ARHGAP31: variants seen among roughly 807,000 people sequenced by gnomAD.
ARHGAP31 encodes rho GTPase-activating protein 31.
ARHGAP31 carries 34 observed loss-of-function variants against 113.9 expected under a neutral mutation model. That is an observed-to-expected ratio of 0.30 (90% CI 0.23 to 0.40). The LOEUF is 0.40. ARHGAP31 is among the 10% of genes least tolerant of loss of function. The pLI is 1.00. For missense variants in ARHGAP31, 1,548 were observed against 1,767.1 expected (o/e 0.88, Z 2.22); for synonymous variants, 650 against 684.8 (o/e 0.95, Z 0.79).
chr3:119,393,751 C>A (rs953859275), intron 8 of ARHGAP31, among the ~76,000 whole-genome samples, 160 bp downstream of exon 8: 4 of 152,018 alleles, frequency 2.6e-5, no homozygotes, highest in Admixed American at 2.0e-4. Flanking sequence ...TTTAGACTTA[C>A]CAAAAAAATT....
intron 8 of ARHGAP31, among the ~76,000 whole-genome samples, chr3:119,398,035 G>A (rs1315158722): frequency 2.0e-5 from 3 of 152,160 alleles, no homozygotes; most frequent in African/African-American, 7.2e-5. Context: ...GGGAGGCCAA[G>A]GCAGAAGGAT....
chr3:119,331,108 G>A (rs986411675), intron 1 of ARHGAP31, among the ~76,000 whole-genome samples: 3 of 152,182 alleles, frequency 2.0e-5, no homozygotes, highest in Admixed American at 1.3e-4. Flanking sequence ...TGGTTCAAAT[G>A]TCCACTTCTG....
Position 119,420,443 on chromosome 3 carries a change from T to G in ARHGAP31, c.*4179T>G, listed in dbSNP as rs2080811278. On this transcript the variant is annotated 3_prime_UTR_variant, in exon 12 of 12. Coordinates refer to ENST00000264245, the MANE Select transcript of ARHGAP31 (RefSeq NM_020754.4). The stretch of plus-strand genomic sequence containing the variant: ...GGAGGGGGCAATGGTGGAAGGGTGA[T>G]TGCCTGAAATCAGTGCCAGTACAGA... 6.6e-6 allele frequency: 1 copy of G among 152,214 alleles called. No homozygotes were observed. Among genetic ancestry groups the G allele is most frequent in the South Asian group, 2.1e-4 (1 of 4,822 alleles). The allele number at this position is 152,214 out of a possible 1,614,324, so 9.4% of individuals were successfully genotyped here.
chr3:119,403,388 T>A (rs891204986), intron 10 of ARHGAP31, among the ~76,000 whole-genome samples: 10 of 152,174 alleles, frequency 6.6e-5, no homozygotes, highest in African/African-American at 1.9e-4. Flanking sequence ...ATCCAGACTT[T>A]AAAAAAATCC....
chr3:119,377,597 T>A (rs928920902), intron 3 of ARHGAP31, among the ~76,000 whole-genome samples: 8 of 151,906 alleles, frequency 5.3e-5, no homozygotes, highest in Non-Finnish European at 1.0e-4. Context: ...GCAGGGGAAT[T>A]TGCAGAGGGA....
chr3:119,414,518 C>G lies in ARHGAP31; in HGVS notation c.2589C>G (p.Ser863Arg), dbSNP rs1279824103. The part of the protein sequence containing the change: ...ASEGKGCGFP[S>R]PTREVEIVSQ... Reference sequence around the variant, plus strand: ...AGGGGAAAGGCTGTGGTTTTCCAAGCCCAACCAGGGAGGTTGAGATCGTCT... The same window carrying G: ...AGGGGAAAGGCTGTGGTTTTCCAAGGCCAACCAGGGAGGTTGAGATCGTCT... Residue 863 changes from serine (S) to arginine (R), a missense_variant, in exon 12 of 12, where the codon AGC becomes AGG. Transcript: ENST00000264245. 1 of 1,614,078 alleles carries G rather than the reference C, an allele frequency of 6.2e-7. No homozygotes were observed. The highest frequency in any genetic ancestry group is 1.3e-5 in the African/African-American group (1 of 74,932).
chr3:119,380,859 C>T, intron 3 of ARHGAP31, 45 bp from the exon 4 acceptor site: 2 of 1,552,400 alleles, frequency 1.3e-6, no homozygotes, highest in African/African-American at 1.4e-5. Flanking sequence ...ATGGCTGTCC[C>T]TGCTCTCAAG....
At chr3:119,334,869 C>T (rs1396256905) in intron 1 of ARHGAP31, among the ~76,000 whole-genome samples, 1 of 152,150 alleles carries the variant, frequency 6.6e-6, no homozygotes, top group Non-Finnish European at 1.5e-5. Flanking sequence ...TGCTTGAGGT[C>T]ACATCAATTA....
intron 1 of ARHGAP31, among the ~76,000 whole-genome samples, chr3:119,299,782 C>A (rs11916942): frequency 0.041 from 6,288 of 152,286 alleles, 418 homozygotes; most frequent in African/African-American, 0.14. Context: ...AGAAAATTCG[C>A]AAGTTTTGAT....
chr3:119,342,225 C>CCG (rs2080014790), intron 1 of ARHGAP31, among the ~76,000 whole-genome samples: 1 of 152,030 alleles, frequency 6.6e-6, no homozygotes, highest in Admixed American at 6.5e-5. Flanking sequence ...CTAGGCCCCC[C>CCG]GATGATTTTT....
rs1014114230 is a variant in ARHGAP31 at position 119,419,566 on chromosome 3, G to A, written c.*3302G>A. 2.0e-5 allele frequency: 3 copies of A among 152,132 alleles called. No homozygotes were observed. The highest frequency in any genetic ancestry group is 2.9e-5 in the Non-Finnish European group (2 of 68,038). 9.4% of individuals were successfully genotyped at this position (152,132 alleles called of 1,614,324 possible). On this transcript the variant is annotated 3_prime_UTR_variant, in exon 12 of 12. Coordinates refer to ENST00000264245, the MANE Select transcript of ARHGAP31 (RefSeq NM_020754.4). ...ATCATTCAAGAGTCTAGTGAAAAAG[G>A]GGGAGGGATGGCAGCAAATAAAACA...
rs571648065 is a variant in ARHGAP31, at chr3:119,335,222, A to C, written c.101-30094A>C. Among the ~76,000 whole-genome samples the C allele has an allele frequency of 1.3e-4, 20 of 152,330 alleles. No individual in the cohort carries two copies. In the South Asian group the frequency reaches 3.5e-3, roughly 27 times the overall value. ...AGCAGAAGCCATAGATTTCTATCGTAGTTCTTTCACATACTGGCTATGTGA... is the reference window on the plus strand; with the variant it reads ...AGCAGAAGCCATAGATTTCTATCGTCGTTCTTTCACATACTGGCTATGTGA... On this transcript the variant is annotated intron_variant, in intron 1 of 11. Transcript: ENST00000264245.
intron 1 of ARHGAP31, among the ~76,000 whole-genome samples, chr3:119,297,335 G>A (rs1187606425): frequency 2.0e-5 from 3 of 152,196 alleles, no homozygotes; most frequent in East Asian, 3.8e-4. Flanking sequence ...CTTCTGGGAG[G>A]AAAAGCTGAG....
intron 1 of ARHGAP31, among the ~76,000 whole-genome samples, chr3:119,342,384 GA>G (rs2080016374): frequency 6.6e-6 from 1 of 152,082 alleles, no homozygotes; most frequent in Non-Finnish European, 1.5e-5. Flanking sequence ...TTTCTCAATG[GA>G]ATACTCAGGG....
At chr3:119,358,206 A>G (rs1182237677) in intron 1 of ARHGAP31, among the ~76,000 whole-genome samples, 1 of 152,232 alleles carries the variant, frequency 6.6e-6, no homozygotes, top group Non-Finnish European at 1.5e-5. Flanking sequence ...AATTATCCAA[A>G]TAGACATTTC....
At chr3:119,329,897 ACCTGGTAAATGAAGAC>A in intron 1 of ARHGAP31, 1 of 985,430 alleles carries the variant, frequency 1.0e-6, no homozygotes, top group Non-Finnish European at 1.2e-6. Flanking sequence ...GTGCTGAGAA[ACCTGGTAAATGAAGAC>A]CCTGTCTGGG....
At chr3:119,318,660 T>C (rs560339732) in intron 1 of ARHGAP31, among the ~76,000 whole-genome samples, 4 of 152,228 alleles carry the variant, frequency 2.6e-5, no homozygotes, top group Middle Eastern at 3.2e-3. Context: ...TTACTTACTT[T>C]ACCTAGACTT....
chr3:119,412,463 C>T (rs1434294012), intron 11 of ARHGAP31, among the ~76,000 whole-genome samples: 2 of 151,700 alleles, frequency 1.3e-5, no homozygotes. Context: ...CTCCTTCCAT[C>T]CTTTTCCTGT....
rs72960626 is a variant in ARHGAP31 at position 119,294,867 on chromosome 3, C to A, written c.-38C>A. ...CTTACAGCGGTGCCAAGCAGAGGGGCGGCAGAGACGGAGGGGCAGCCTCTT... is the reference window on the plus strand; with the variant it reads ...CTTACAGCGGTGCCAAGCAGAGGGGAGGCAGAGACGGAGGGGCAGCCTCTT... On this transcript the variant is annotated 5_prime_UTR_variant, in exon 1 of 12. Coordinates refer to ENST00000264245, the MANE Select transcript of ARHGAP31 (RefSeq NM_020754.4). The A allele has an allele frequency of 0.064, 101,184 of 1,583,690 alleles. 4,509 individuals are homozygous for A. The highest frequency in any genetic ancestry group is 0.22 in the Admixed American group (13,361 of 59,944).
Sources: allele counts gnomAD v4.1 joint callset (sites outside exome capture counted in the v4.1 genomes callset), GRCh38; gene constraint gnomAD v4.1.1; transcripts MANE v1.5; gene names NCBI Gene and HGNC (gene_info 2026-07-23, HGNC 2026-07-21).